The following FAAH2 variants were observed in gnomAD, a reference collection of about 807,000 sequenced individuals.
FAAH2 encodes the protein fatty acid amide hydrolase 2, also known as fatty-acid amide hydrolase 2.
A neutral mutation model predicts 36.9 loss-of-function variants in FAAH2; 60 were observed. The observed-to-expected ratio is 1.63, with a 90% CI of 1.32 to 2.02. The LOEUF (loss-of-function observed/expected upper bound fraction) is 2.02, where lower values mean the gene tolerates loss of function less well. FAAH2 is among the 30% of genes most tolerant of loss of function. FAAH2 has a pLI of 0.00. For missense variants in FAAH2, 689 were observed against 397.5 expected (o/e 1.73, Z -6.23); for synonymous variants, 214 against 143.8 (o/e 1.49, Z -3.49).
intron 5 of FAAH2, among the ~76,000 whole-genome samples, chrX:57,351,167 T>G (rs1401252843): frequency 9.0e-6 from 1 of 111,455 alleles, no homozygotes; most frequent in African/African-American, 3.2e-5. Flanking sequence ...GGAACACTAC[T>G]AGAAATTAAT....
intron 10 of FAAH2, among the ~76,000 whole-genome samples, chrX:57,485,351 C>T (rs1389039774): frequency 9.0e-6 from 1 of 111,124 alleles, no homozygotes; most frequent in Non-Finnish European, 1.9e-5. Context: ...AAGCCATGGC[C>T]ACAGTCTTCA....
the FAAH2 span, among the ~76,000 whole-genome samples, chrX:57,222,603 T>A: frequency 9.0e-6 from 1 of 111,290 alleles, no homozygotes; most frequent in Non-Finnish European, 1.9e-5. Context: ...ATCAAAAACA[T>A]GTTAGCTCAC....
chrX:57,274,862 T>C, the FAAH2 span, among the ~76,000 whole-genome samples: 6 of 111,967 alleles, frequency 5.4e-5, no homozygotes, highest in Non-Finnish European at 9.4e-5. Flanking sequence ...AGGATGCCTC[T>C]CTCATCACTC....
intron 7 of FAAH2, among the ~76,000 whole-genome samples, chrX:57,396,948 AT>A (rs755863492): frequency 2.8e-3 from 317 of 111,305 alleles, no homozygotes; most frequent in African/African-American, 9.7e-3. Context: ...GTTTCCCACT[AT>A]TTTTGTATTG....
At chrX:57,284,391 A>T (rs748157997), upstream of FAAH2, among the ~76,000 whole-genome samples, 4 of 81,054 alleles carry the variant, frequency 4.9e-5, no homozygotes, top group Admixed American at 5.5e-4. Flanking sequence ...TATCATAACA[A>T]AACAAAACAA....
intron 7 of FAAH2, chrX:57,394,061 GCAT>G: frequency 1.4e-6 from 1 of 730,398 alleles, no homozygotes; most frequent in East Asian, 3.2e-5. Context: ...AAATATCTGA[GCAT>G]CAATAGCCGC....
At chrX:57,236,529 C>A in the FAAH2 span, among the ~76,000 whole-genome samples, 1 of 111,998 alleles carries the variant, frequency 8.9e-6, no homozygotes, top group African/African-American at 3.2e-5. Flanking sequence ...TTGATAGTAG[C>A]CATTCTAACA....
chrX:57,378,897 A>G, intron 6 of FAAH2, 111 bp downstream of exon 6: 2 of 938,024 alleles, frequency 2.1e-6, no homozygotes, highest in Non-Finnish European at 2.9e-6. Flanking sequence ...TAATTTTTAC[A>G]GGTTTTTATG....
chrX:57,158,544 C>G, the FAAH2 span, among the ~76,000 whole-genome samples: 1 of 112,043 alleles, frequency 8.9e-6, no homozygotes, highest in Admixed American at 9.4e-5. Context: ...ACCATTCTAA[C>G]TGGTGTGAGA....
chrX:57,339,427 C>T (rs752113111), intron 4 of FAAH2, among the ~76,000 whole-genome samples: 7 of 112,088 alleles, frequency 6.2e-5, no homozygotes, highest in Admixed American at 4.7e-4. Context: ...ATCTAGTTAA[C>T]TAACAAGCCT....
At chrX:57,229,718 C>G in the FAAH2 span, among the ~76,000 whole-genome samples, 31 of 111,438 alleles carry the variant, frequency 2.8e-4, no homozygotes, top group African/African-American at 9.5e-4. Flanking sequence ...AGTCTATTAT[C>G]ATGACACCAA....
At chrX:57,218,224 C>T in the FAAH2 span, among the ~76,000 whole-genome samples, 6 of 111,663 alleles carry the variant, frequency 5.4e-5, no homozygotes, top group South Asian at 3.8e-4. Flanking sequence ...GCTAGATCTT[C>T]CAATACTATG....
intron 7 of FAAH2, among the ~76,000 whole-genome samples, chrX:57,412,073 C>A (rs905427470): frequency 9.0e-6 from 1 of 111,223 alleles, no homozygotes; most frequent in African/African-American, 3.3e-5. Flanking sequence ...ATTGGGATAT[C>A]CATTGCCTAA....
intron 5 of FAAH2, among the ~76,000 whole-genome samples, chrX:57,371,957 A>G (rs750620331): frequency 2.2e-4 from 25 of 111,886 alleles, no homozygotes; most frequent in Non-Finnish European, 4.1e-4. Flanking sequence ...GGCTGCATTA[A>G]TGTTGCTGCA....
chrX:57,329,864 T>C (rs745923233), intron 3 of FAAH2, among the ~76,000 whole-genome samples: 5 of 111,933 alleles, frequency 4.5e-5, no homozygotes, highest in Non-Finnish European at 9.4e-5. Context: ...TTCTTATGTC[T>C]GTCTTTACTG....
At chrX:57,279,243 A>T in the FAAH2 span, among the ~76,000 whole-genome samples, 5 of 112,827 alleles carry the variant, frequency 4.4e-5, no homozygotes, top group Non-Finnish European at 9.4e-5. Context: ...AAAATGTGGC[A>T]CATATACACC....
At chrX:57,156,169 C>T in the FAAH2 span, among the ~76,000 whole-genome samples, 4 of 112,340 alleles carry the variant, frequency 3.6e-5, no homozygotes, top group South Asian at 1.5e-3. Context: ...TATTGACACA[C>T]ATGCATTTTT....
At chrX:57,154,326 A>G in the FAAH2 span, among the ~76,000 whole-genome samples, 2 of 104,010 alleles carry the variant, frequency 1.9e-5, no homozygotes, top group Non-Finnish European at 3.9e-5. Context: ...GTGCAGTGAC[A>G]TGATCTCGGC....
At chrX:57,261,095 T>C in the FAAH2 span, among the ~76,000 whole-genome samples, 3 of 111,907 alleles carry the variant, frequency 2.7e-5, no homozygotes, top group African/African-American at 9.7e-5. Flanking sequence ...TAAATAATTA[T>C]AAAATTACAC....
Sources: allele counts gnomAD v4.1 joint callset (sites outside exome capture counted in the v4.1 genomes callset), GRCh38; gene constraint gnomAD v4.1.1; transcripts MANE v1.5; gene names NCBI Gene and HGNC (gene_info 2026-07-23, HGNC 2026-07-21).